GFOD1: variants seen among roughly 807,000 people sequenced by gnomAD.
GFOD1 encodes glucose-fructose oxidoreductase domain-containing protein 1.
In GFOD1, 9 loss-of-function variants were observed where a neutral mutation model predicts 25.4. The ratio of observed to expected loss-of-function variants is 0.35; its 90% CI spans 0.21 to 0.62. The LOEUF (loss-of-function observed/expected upper bound fraction) is 0.62, where lower values mean the gene tolerates loss of function less well. GFOD1 is among the 20% of genes least tolerant of loss of function. The pLI, the probability that GFOD1 is intolerant of heterozygous loss-of-function variation, is 0.72. For missense variants in GFOD1, 403 were observed against 556.9 expected (o/e 0.72, Z 2.78); for synonymous variants, 253 against 245.6 (o/e 1.03, Z -0.28).
At chr6:13,458,338 G>T (rs929659380) in intron 1 of GFOD1, among the ~76,000 whole-genome samples, 1 of 152,120 alleles carries the variant, frequency 6.6e-6, no homozygotes, top group East Asian at 1.9e-4. Flanking sequence ...GGCTTGTCTT[G>T]AACTCCTGAC....
chr6:13,393,120 T>C (rs562533), intron 1 of GFOD1, among the ~76,000 whole-genome samples: 144,335 of 151,844 alleles, frequency 0.95, 69,056 homozygotes, highest in East Asian at 1. Context: ...CTTTGGGAGG[T>C]CAAGGTGGGT....
At chr6:13,483,618 A>C (rs756946071) in intron 1 of GFOD1, among the ~76,000 whole-genome samples, 2 of 152,154 alleles carry the variant, frequency 1.3e-5, no homozygotes, top group Admixed American at 6.5e-5. Flanking sequence ...CCTGACTTCT[A>C]TGGGGAACAG....
intron 1 of GFOD1, among the ~76,000 whole-genome samples, chr6:13,482,600 C>T (rs1258863115): frequency 2.0e-5 from 3 of 151,814 alleles, no homozygotes; most frequent in Admixed American, 2.0e-4. Flanking sequence ...ATACAAAAAT[C>T]AGCTGGGTGT....
At chr6:13,442,919 T>G (rs1380809776) in intron 1 of GFOD1, among the ~76,000 whole-genome samples, 1 of 152,232 alleles carries the variant, frequency 6.6e-6, no homozygotes, top group Non-Finnish European at 1.5e-5. Context: ...AGAAATATAC[T>G]TTGTAAAATG....
chr6:13,395,714 G>A (rs1001889053), intron 1 of GFOD1, among the ~76,000 whole-genome samples: 3 of 152,186 alleles, frequency 2.0e-5, no homozygotes, highest in Admixed American at 2.0e-4. Context: ...GAGATAAAGA[G>A]CCCAGAGGCT....
At chr6:13,413,127 G>A (rs770899519) in intron 1 of GFOD1, among the ~76,000 whole-genome samples, 6 of 152,150 alleles carry the variant, frequency 3.9e-5, no homozygotes, top group African/African-American at 7.2e-5. Flanking sequence ...TAGACTGAGG[G>A]GCCACTCGTA....
chr6:13,453,981 A>C (rs957264432), intron 1 of GFOD1, among the ~76,000 whole-genome samples: 1 of 152,258 alleles, frequency 6.6e-6, no homozygotes, highest in African/African-American at 2.4e-5. Flanking sequence ...TTATTTGGAA[A>C]CAGAGTTGTG....
chr6:13,429,385 G>T (rs1400180994), intron 1 of GFOD1, among the ~76,000 whole-genome samples: 1 of 152,204 alleles, frequency 6.6e-6, no homozygotes, highest in Non-Finnish European at 1.5e-5. Flanking sequence ...CCAGCTTGCT[G>T]CTTTAAGAAC....
intron 1 of GFOD1, among the ~76,000 whole-genome samples, chr6:13,449,036 C>T (rs1420603029): frequency 6.6e-6 from 1 of 152,202 alleles, no homozygotes; most frequent in African/African-American, 2.4e-5. Context: ...CCTGTAATCC[C>T]AGCACTTTGG....
chr6:13,399,838 A>G (rs1223399558), intron 1 of GFOD1, among the ~76,000 whole-genome samples: 2 of 152,224 alleles, frequency 1.3e-5, no homozygotes, highest in African/African-American at 4.8e-5. Flanking sequence ...AGGTATATAC[A>G]TTTACCAAAA....
chr6:13,390,662 G>GGCTGTAGTGAGCCATGCTAGCACC (rs1785571838), intron 1 of GFOD1, among the ~76,000 whole-genome samples: 1 of 151,426 alleles, frequency 6.6e-6, no homozygotes, highest in Non-Finnish European at 1.5e-5. Flanking sequence ...AGGAGTCTGA[G>GGCTGTAGTGAGCCATGCTAGCACC]GCTGTAGTGA....
At chr6:13,394,677 G>A (rs1028235888) in intron 1 of GFOD1, among the ~76,000 whole-genome samples, 1 of 151,428 alleles carries the variant, frequency 6.6e-6, no homozygotes, top group East Asian at 1.9e-4. Flanking sequence ...CTGTTGCTCA[G>A]GGTGGAGTGC....
chr6:13,409,268 G>T (rs1168677768), intron 1 of GFOD1, among the ~76,000 whole-genome samples: 3 of 84,360 alleles, frequency 3.6e-5, no homozygotes, highest in African/African-American at 5.6e-5. Context: ...GAGAGAGAGG[G>T]AAAGATAGAG....
chr6:13,380,823 C>T (rs1026800657), intron 1 of GFOD1, among the ~76,000 whole-genome samples: 4 of 152,200 alleles, frequency 2.6e-5, no homozygotes, highest in African/African-American at 4.8e-5. Flanking sequence ...CTGGGAAATT[C>T]GTCTTATCAA....
intron 1 of GFOD1, among the ~76,000 whole-genome samples, chr6:13,417,054 A>T (rs1354911040): frequency 6.6e-6 from 1 of 152,238 alleles, no homozygotes; most frequent in Non-Finnish European, 1.5e-5. Context: ...ACAAGACAAG[A>T]TTAAATCAAT....
At position 13,362,993 on chromosome 6, in the gene GFOD1, C is replaced by T. The variant is rs1784970145; in HGVS notation, c.*1750G>A. ...GCATGTAAAGACACCTGTTGGACTT[C>T]AGTGAGCCTGTGAACAAAAGCTACG... On this transcript the variant is annotated 3_prime_UTR_variant, in exon 2 of 2. Transcript: ENST00000379287. 1 of 152,200 alleles carries T rather than the reference C, an allele frequency of 6.6e-6. No individual in the cohort carries two copies. The highest frequency in any genetic ancestry group is 1.5e-5 in the Non-Finnish European group (1 of 68,046). 9.4% of individuals were successfully genotyped at this position (152,200 alleles called of 1,614,324 possible).
chr6:13,390,677 T>C (rs1212868062), intron 1 of GFOD1, among the ~76,000 whole-genome samples: 1 of 144,808 alleles, frequency 6.9e-6, no homozygotes, highest in Non-Finnish European at 1.5e-5. Flanking sequence ...TAGTGAGCCA[T>C]GCTAGCACCA....
chr6:13,367,954 G>T (rs893238150), intron 1 of GFOD1, among the ~76,000 whole-genome samples: 1 of 152,052 alleles, frequency 6.6e-6, no homozygotes, highest in African/African-American at 2.4e-5. Context: ...GAGAAATGGG[G>T]TGATGAGACA....
chr6:13,484,981 A>T (rs958653841), intron 1 of GFOD1, among the ~76,000 whole-genome samples: 1 of 152,236 alleles, frequency 6.6e-6, no homozygotes, highest in Non-Finnish European at 1.5e-5. Flanking sequence ...TAAGATCGTT[A>T]TAAGATATTT....
Sources: gnomAD v4.1 joint callset for allele counts (sites outside exome capture counted in the v4.1 genomes callset) on GRCh38, gnomAD v4.1.1 for gene constraint, MANE v1.5 for transcripts, NCBI Gene and HGNC (gene_info 2026-07-23, HGNC 2026-07-21) for gene names.